The following BBX variants were observed in gnomAD, a reference collection of about 807,000 sequenced individuals.
The protein encoded by BBX is HMG box transcription factor BBX.
Under a neutral mutation model 100.2 loss-of-function variants are expected in BBX, and 30 were observed. The ratio of observed to expected loss-of-function variants is 0.30; its 90% CI spans 0.22 to 0.41. The LOEUF (loss-of-function observed/expected upper bound fraction) is 0.41. Ranked by LOEUF, BBX falls within the 10% of genes least tolerant of loss-of-function variation. The pLI is 1.00. For synonymous variants in BBX, 376 were observed against 388.1 expected, an observed-to-expected ratio of 0.97 and a Z score of 0.37; for missense variants, 1,023 against 1,129.8, an observed-to-expected ratio of 0.91 and a Z score of 1.35.
rs1023053357 is a variant in BBX at position 107,809,074 on chromosome 3, T to C, written c.*3617T>C. 1 of 152,266 alleles carries C rather than the reference T, an allele frequency of 6.6e-6. No individual in the cohort carries two copies. The highest frequency in any genetic ancestry group is 1.5e-5 in the Non-Finnish European group (1 of 68,052). 9.4% of individuals were successfully genotyped at this position (152,266 alleles called of 1,614,324 possible). A position where few individuals can be genotyped will look rare whatever the true frequency, so the allele number is the denominator to read the frequency against. On this transcript the variant is annotated 3_prime_UTR_variant, in exon 18 of 18. Coordinates refer to ENST00000325805, the MANE Select transcript of BBX (RefSeq NM_001142568.3). ...AAGTCAGATGCTACTGTAAGTCAGATAAAATTTTGTTTGCACTCTGCAGTC... is the reference window on the plus strand; with the variant it reads ...AAGTCAGATGCTACTGTAAGTCAGACAAAATTTTGTTTGCACTCTGCAGTC...
chr3:107,705,165 G>A (rs1009794360), intron 3 of BBX, among the ~76,000 whole-genome samples: 3 of 152,032 alleles, frequency 2.0e-5, no homozygotes, highest in South Asian at 4.2e-4. Context: ...CCTCTCCTCC[G>A]TAGACTCTGG....
intron 3 of BBX, among the ~76,000 whole-genome samples, chr3:107,701,289 C>T (rs571053429): frequency 3.3e-5 from 5 of 152,244 alleles, no homozygotes; most frequent in South Asian, 2.1e-4. Flanking sequence ...CTCTAGGGAA[C>T]GGAAGACCTT....
intron 9 of BBX, among the ~76,000 whole-genome samples, chr3:107,749,544 C>G (rs998580338): frequency 9.2e-5 from 14 of 152,084 alleles, no homozygotes; most frequent in African/African-American, 3.4e-4. Context: ...CAAGAGTATT[C>G]AGCTTAACTT....
At chr3:107,652,625 G>A (rs771778377) in intron 3 of BBX, among the ~76,000 whole-genome samples, 1 of 152,122 alleles carries the variant, frequency 6.6e-6, no homozygotes, top group Non-Finnish European at 1.5e-5. Flanking sequence ...ATATATTCAG[G>A]CATGGCTTCC....
rs112056459 is a variant in BBX at position 107,791,184 on chromosome 3, G to A, written c.2294-56G>A. Reference sequence around the variant, plus strand: ...ATATCATCTTGTTTTTGTAGTATGGGGAATCTACTAAGAGTAGAGTTTCAC... The same window carrying A: ...ATATCATCTTGTTTTTGTAGTATGGAGAATCTACTAAGAGTAGAGTTTCAC... On this transcript the variant is annotated intron_variant, in intron 14 of 17. Transcript: ENST00000325805. The A allele has an allele frequency of 8.3e-4, 1,173 of 1,410,282 alleles. 7 individuals carry two copies. The highest frequency in any genetic ancestry group is 7.3e-3 in the African/African-American group (517 of 70,980). 87.4% of individuals were successfully genotyped at this position (1,410,282 alleles called of 1,614,324 possible). A position where few individuals can be genotyped will look rare whatever the true frequency, so the allele number is the denominator to read the frequency against.
intron 10 of BBX, among the ~76,000 whole-genome samples, chr3:107,770,572 A>G (rs1052878070): frequency 2.0e-5 from 3 of 152,226 alleles, no homozygotes; most frequent in African/African-American, 7.2e-5. Context: ...CAGAATTAAG[A>G]TAACATTTTG....
chr3:107,551,120 C>A (rs2049635831), intron 2 of BBX, among the ~76,000 whole-genome samples: 1 of 152,152 alleles, frequency 6.6e-6, no homozygotes, highest in Non-Finnish European at 1.5e-5. Context: ...AGGTAATTTA[C>A]AGCACAGTTC....
rs1379191673 is a variant in BBX at position 107,552,364 on chromosome 3, AAAAAAAAAAG to A, written c.-84+25967_-84+25976del. Among the ~76,000 whole-genome samples the A allele has an allele frequency of 1.1e-4, 13 of 118,396 alleles. 1 individual carries two copies. The highest frequency in any genetic ancestry group is 2.3e-4 in the Non-Finnish European group (13 of 56,734). 77.7% of individuals were successfully genotyped at this position (118,396 alleles called of 152,430 possible). A position where few individuals can be genotyped will look rare whatever the true frequency, so the allele number is the denominator to read the frequency against. On this transcript the variant is annotated intron_variant, in intron 2 of 17. Transcript: ENST00000325805. ...TGTTTCATTAAAAAAAAAAAAAAAA[AAAAAAAAAAG>A]GGATTGCTCTTGGACTTGGTCTGAT...
Position 107,732,990 on chromosome 3 carries a change from G to C in BBX, c.636G>C (p.Leu212=). ...PTQMGGLSML[L]LAGEHALGTP... ...AAATGGGAGGCCTGAGTATGCTGCT[G>C]TTAGCTGGAGAACATGCTCTTGGCA... is the stretch of plus-strand genomic sequence containing the variant. The change falls in exon 7 of 18, where the codon CTG becomes CTC. Residue 212 remains leucine (L), a synonymous_variant. Coordinates refer to ENST00000325805, the MANE Select transcript of BBX (RefSeq NM_001142568.3). The C allele has an allele frequency of 6.2e-7, 1 of 1,613,284 alleles. No individual in the cohort carries two copies. The highest frequency in any genetic ancestry group is 8.5e-7 in the Non-Finnish European group (1 of 1,179,616).
Position 107,556,735 on chromosome 3 carries a change from C to T in BBX, c.-84+30337C>T, listed in dbSNP as rs144735031. ...AAGATGTTGGGAAACTTTCAGGAAC[C>T]GAGCATTTTTGGATAGATTCTGGAG... On this transcript the variant is annotated intron_variant, in intron 2 of 17. Coordinates refer to ENST00000325805, the MANE Select transcript of BBX (RefSeq NM_001142568.3). 9.3e-4 allele frequency among the ~76,000 whole-genome samples: 142 copies of T among 152,212 alleles called. 1 individual carries two copies. Among genetic ancestry groups the T allele is most frequent in the Middle Eastern group, 3.4e-3 (1 of 294 alleles).
chr3:107,655,043 C>T (rs902084910), intron 3 of BBX, among the ~76,000 whole-genome samples: 13 of 152,066 alleles, frequency 8.5e-5, no homozygotes, highest in African/African-American at 2.2e-4. Context: ...GAGAAATGTC[C>T]GGCTTCAAAC....
intron 2 of BBX, among the ~76,000 whole-genome samples, chr3:107,632,622 T>C (rs1269657713): frequency 6.6e-6 from 1 of 152,194 alleles, no homozygotes; most frequent in African/African-American, 2.4e-5. Context: ...AAAGTAGTTA[T>C]CTGTATAGTG....
intron 2 of BBX, among the ~76,000 whole-genome samples, chr3:107,555,100 C>A (rs1369119344): frequency 4.0e-5 from 6 of 150,406 alleles, no homozygotes; most frequent in Non-Finnish European, 5.9e-5. Context: ...ACAACAACAA[C>A]AAAATACATA....
chr3:107,717,626 G>A (rs2062197157), intron 5 of BBX, among the ~76,000 whole-genome samples: 1 of 152,000 alleles, frequency 6.6e-6, no homozygotes, highest in Non-Finnish European at 1.5e-5. Flanking sequence ...TTAGTGGGAA[G>A]CATTTCCATG....
chr3:107,797,589 A>G (rs546451478), intron 15 of BBX, among the ~76,000 whole-genome samples: 6 of 152,088 alleles, frequency 3.9e-5, no homozygotes, highest in African/African-American at 1.4e-4. Flanking sequence ...TCCCAATCAT[A>G]AAACTCAACT....
chr3:107,786,917 T>C (rs543463362), intron 13 of BBX, among the ~76,000 whole-genome samples: 1 of 152,296 alleles, frequency 6.6e-6, no homozygotes, highest in East Asian at 1.9e-4. Context: ...TTATCTAGAC[T>C]GTATAAGGAA....
At chr3:107,650,061 G>A (rs1383559295) in intron 3 of BBX, among the ~76,000 whole-genome samples, 1 of 152,170 alleles carries the variant, frequency 6.6e-6, no homozygotes, top group African/African-American at 2.4e-5. Flanking sequence ...TTTGGTTTCA[G>A]AAGAAATAGA....
rs1470927618 is a variant in BBX, at chr3:107,631,816, TTA to T, written c.-83-14019_-83-14018del. ...TCGTCTAAGAAATGTAAAATTGATT[TTA>T]CTTTTAACCATAAGAAATGTAAATA... is the stretch of plus-strand genomic sequence containing the variant. On this transcript the variant is annotated intron_variant, in intron 2 of 17. Coordinates refer to ENST00000325805, the MANE Select transcript of BBX (RefSeq NM_001142568.3). Among the ~76,000 whole-genome samples, 2 of 152,238 alleles carry T rather than the reference TTA, an allele frequency of 1.3e-5. 1 individual carries two copies. The highest frequency in any genetic ancestry group is 3.8e-4 in the East Asian group (2 of 5,202).
At chr3:107,603,741 A>T (rs981344605) in intron 2 of BBX, among the ~76,000 whole-genome samples, 1 of 152,140 alleles carries the variant, frequency 6.6e-6, no homozygotes, top group Non-Finnish European at 1.5e-5. Context: ...CACCACCTTG[A>T]TCTGTCGGCA....
Sources: allele counts gnomAD v4.1 joint callset (sites outside exome capture counted in the v4.1 genomes callset), GRCh38; gene constraint gnomAD v4.1.1; transcripts MANE v1.5; gene names NCBI Gene and HGNC (gene_info 2026-07-23, HGNC 2026-07-21).